Variants in FNBP4 observed in about 807,000 individuals in gnomAD.
FNBP4 encodes formin binding protein 4.
Under a neutral mutation model 119.3 loss-of-function variants are expected in FNBP4, and 34 were observed. That is an observed-to-expected ratio of 0.28 (90% CI 0.22 to 0.38). The LOEUF (loss-of-function observed/expected upper bound fraction) is 0.38, where lower values mean the gene tolerates loss of function less well. Among genes scored for constraint, FNBP4 ranks in the 10% least tolerant of loss-of-function variants. The pLI, the probability that FNBP4 is intolerant of heterozygous loss-of-function variation, is 1.00. For synonymous variants in FNBP4, 462 were observed against 430.6 expected (o/e 1.07, Z -0.90); for missense variants, 1,112 against 1,228.9 (o/e 0.90, Z 1.42).
rs752393881 is a variant in FNBP4, at chr11:47,765,394, G to GAA, written c.221-34_221-33dup. On this transcript the variant is annotated intron_variant, in intron 1 of 16. Coordinates refer to ENST00000263773, the MANE Select transcript of FNBP4 (RefSeq NM_015308.5). ...TAAAAAAAAAGAAAAGAAAAGAAAA[G>GAA]AAAAGAAAAGAAAAGAAAAGAAAAC... 42 of 1,339,322 alleles carry GAA rather than the reference G, an allele frequency of 3.1e-5. 1 individual carries two copies. Among genetic ancestry groups the GAA allele is most frequent in the South Asian group, 2.7e-4 (21 of 78,348 alleles). 83.0% of individuals were successfully genotyped at this position (1,339,322 alleles called of 1,614,324 possible).
chr11:47,756,487 GTGCCTTAGTATCGTAATTCC>G (rs1206253209), intron 2 of FNBP4, among the ~76,000 whole-genome samples: 1 of 152,018 alleles, frequency 6.6e-6, no homozygotes, highest in Non-Finnish European at 1.5e-5. Context: ...TTCATATTCA[GTGCCTTAGTATCGTAATTCC>G]TGCCTTCATT....
intron 6 of FNBP4, among the ~76,000 whole-genome samples, chr11:47,748,101 G>A (rs1306160568): frequency 2.8e-5 from 4 of 145,448 alleles, no homozygotes; most frequent in Non-Finnish European, 4.5e-5. Flanking sequence ...TTAGCCGGGC[G>A]TGGGACAGGC....
Position 47,732,366 on chromosome 11 carries a change from C to G in FNBP4, c.1820+171G>C. On this transcript the variant is annotated intron_variant, in intron 11 of 16. Transcript: ENST00000263773. The surrounding 1 kb of genome is among the most constrained non-coding windows in gnomAD (Gnocchi z 4.2). Reference sequence around the variant, plus strand: ...CACTTTAAACATTGCTTTTGTTTCTCCAATGTGTGGCTGGCCAAACTTTGT... The same window carrying G: ...CACTTTAAACATTGCTTTTGTTTCTGCAATGTGTGGCTGGCCAAACTTTGT... The G allele has an allele frequency of 6.6e-7, 1 of 1,508,022 alleles. No homozygotes were observed. The highest frequency in any genetic ancestry group is 8.8e-7 in the Non-Finnish European group (1 of 1,132,172). The allele number at this position is 1,508,022 out of a possible 1,614,324, so 93.4% of individuals were successfully genotyped here. A position where few individuals can be genotyped will look rare whatever the true frequency, so the allele number is the denominator to read the frequency against.
At chr11:47,723,562 A>T (rs2097558027) in intron 14 of FNBP4, among the ~76,000 whole-genome samples, 1 of 152,176 alleles carries the variant, frequency 6.6e-6, no homozygotes, top group Non-Finnish European at 1.5e-5. Flanking sequence ...TATGTGCTGA[A>T]CGTTTTTTGT....
chr11:47,719,025 C>T (rs555601851), intron 16 of FNBP4, among the ~76,000 whole-genome samples: 120 of 151,814 alleles, frequency 7.9e-4, no homozygotes, highest in Non-Finnish European at 1.5e-3. Flanking sequence ...TCTGCCTCAG[C>T]GATTACAGGC....
intron 4 of FNBP4, among the ~76,000 whole-genome samples, chr11:47,751,980 G>A (rs1257199898): frequency 6.6e-6 from 1 of 151,840 alleles, no homozygotes; most frequent in Non-Finnish European, 1.5e-5. Flanking sequence ...GCAGTTTGCT[G>A]GTCCAAAAAT....
At chr11:47,737,274 A>G (rs148714460) in intron 8 of FNBP4, among the ~76,000 whole-genome samples, 2 of 152,296 alleles carry the variant, frequency 1.3e-5, no homozygotes, top group African/African-American at 4.8e-5. Context: ...TTAGCCTATC[A>G]AATTACCCTT....
chr11:47,742,477 C>CAAAAAAAAAAAAAAAAAAAAAAAAAAA (rs568784009), intron 8 of FNBP4, among the ~76,000 whole-genome samples: 3 of 23,760 alleles, frequency 1.3e-4, no homozygotes, highest in African/African-American at 4.6e-4. Context: ...GACTCCGTCT[C>CAAAAAAAAAAAAAAAAAAAAAAAAAAA]AAAAAAAAAA....
intron 12 of FNBP4, chr11:47,729,578 T>C (rs1045787534): frequency 1.7e-5 from 16 of 952,398 alleles, no homozygotes; most frequent in East Asian, 2.3e-4. Context: ...GGTACAATTA[T>C]GGCTTACTGC....
intron 12 of FNBP4, among the ~76,000 whole-genome samples, chr11:47,728,520 C>T (rs935726204): frequency 1.3e-5 from 2 of 152,164 alleles, no homozygotes; most frequent in African/African-American, 2.4e-5. Context: ...GCTGGGATTA[C>T]AGCCGTGAGC....
rs1363739873 is a variant in FNBP4 at position 47,720,535 on chromosome 11, C to T, written c.2806-449G>A. On this transcript the variant is annotated intron_variant, in intron 15 of 16. Coordinates refer to ENST00000263773, the MANE Select transcript of FNBP4 (RefSeq NM_015308.5). The stretch of plus-strand genomic sequence containing the variant: ...GTGAGCCGAGATCACCACTGCACTC[C>T]AGCCTGGGCTACAGAGGGAGACTCC... Among the ~76,000 whole-genome samples the T allele has an allele frequency of 2.6e-5, 4 of 151,878 alleles. 1 individual carries two copies. Among genetic ancestry groups the T allele is most frequent in the Admixed American group, 2.6e-4 (4 of 15,230 alleles).
At chr11:47,740,335 C>A (rs988837255) in intron 8 of FNBP4, among the ~76,000 whole-genome samples, 1 of 150,388 alleles carries the variant, frequency 6.6e-6, no homozygotes, top group Admixed American at 6.6e-5. Flanking sequence ...CTGCTTGTAC[C>A]CGGGAGGTGG....
At chr11:47,765,810 T>C (rs1039507820) in intron 1 of FNBP4, among the ~76,000 whole-genome samples, 2 of 143,844 alleles carry the variant, frequency 1.4e-5, no homozygotes, top group East Asian at 2.2e-4. Flanking sequence ...GACATTTCAT[T>C]GACCCAAATA....
intron 3 of FNBP4, 148 bp from the exon 4 acceptor site, chr11:47,753,250 G>A: frequency 1.8e-6 from 1 of 551,614 alleles, no homozygotes; most frequent in South Asian, 3.0e-5. Flanking sequence ...TGAGACAGGT[G>A]GATCACTTGA....
rs2097649959 is a variant in FNBP4, at chr11:47,767,328, G to A, written c.-40C>T. ...CGAGCAGAGAGCGTCGGGCGGCCGA[G>A]AGGGGCGGGCACTGGAGGCTGGGCG... On this transcript the variant is annotated 5_prime_UTR_variant, in exon 1 of 17. Coordinates refer to ENST00000263773, the MANE Select transcript of FNBP4 (RefSeq NM_015308.5). 1 of 1,440,396 alleles carries A rather than the reference G, an allele frequency of 6.9e-7. No individual in the cohort carries two copies. The highest frequency in any genetic ancestry group is 9.1e-7 in the Non-Finnish European group (1 of 1,102,764). 89.2% of individuals were successfully genotyped at this position (1,440,396 alleles called of 1,614,324 possible).
In FNBP4 at chr11:47,751,034, G is replaced by C. The variant is rs888389915; in HGVS notation, c.788C>G (p.Ser263Cys). 1.2e-6 allele frequency: 2 copies of C among 1,612,964 alleles called. No individual in the cohort carries two copies. The highest frequency in any genetic ancestry group is 1.3e-5 in the African/African-American group (1 of 74,902). ...AAAACTAGTTTCAGCACCTGGCACA[G>C]AACTAAAAAAATATATACTTAGCAA... is the stretch of plus-strand genomic sequence containing the variant. ...VQGLQHYQPSSVPGAETSFVV... is the reference protein window; with the variant it reads ...VQGLQHYQPSCVPGAETSFVV... The change falls in exon 6 of 17, where the codon TCT becomes TGT. Residue 263 changes from serine to cysteine, a missense_variant and splice_region_variant. This residue lies in a region of FNBP4 where 826 missense variants were observed against 988.8 expected (regional missense o/e 0.84). Coordinates refer to ENST00000263773, the MANE Select transcript of FNBP4 (RefSeq NM_015308.5).
At chr11:47,722,942 A>C (rs1361431760) in intron 15 of FNBP4, 34 bp downstream of exon 15, 4 of 1,464,892 alleles carry the variant, frequency 2.7e-6, no homozygotes, top group African/African-American at 2.8e-5. Flanking sequence ...AAAATTTTTA[A>C]AAATAAATTT....
intron 8 of FNBP4, among the ~76,000 whole-genome samples, chr11:47,742,571 T>A (rs1408113261): frequency 1.3e-5 from 2 of 151,094 alleles, no homozygotes; most frequent in Non-Finnish European, 2.9e-5. Flanking sequence ...TTCCTTTATG[T>A]TATTTCGAAC....
At chr11:47,758,568 T>C (rs997537191) in intron 2 of FNBP4, among the ~76,000 whole-genome samples, 1 of 152,086 alleles carries the variant, frequency 6.6e-6, no homozygotes, top group African/African-American at 2.4e-5. Flanking sequence ...GAAAGATATT[T>C]ACATGGACGT....
Sources: gnomAD v4.1 joint callset for allele counts (sites outside exome capture counted in the v4.1 genomes callset) on GRCh38, gnomAD v4.1.1 for gene constraint, gnomAD v4.1.1 regional missense constraint, Gnocchi (gnomAD v3.1) non-coding constraint, MANE v1.5 for transcripts, NCBI Gene and HGNC (gene_info 2026-07-23, HGNC 2026-07-21) for gene names.